The following DOK6 variants were observed in gnomAD, a reference collection of about 807,000 sequenced individuals.
DOK6 encodes downstream of tyrosine kinase 6.
A neutral mutation model predicts 44.0 loss-of-function variants in DOK6; 22 were observed. The ratio of observed to expected loss-of-function variants is 0.50; its 90% CI spans 0.36 to 0.71. The LOEUF is 0.71. Among genes scored for constraint, DOK6 ranks in the 30% least tolerant of loss-of-function variants. DOK6 has a pLI of 0.00. For synonymous variants in DOK6, 166 were observed against 145.5 expected, an observed-to-expected ratio of 1.14 and a Z score of -1.01; for missense variants, 340 against 416.4, an observed-to-expected ratio of 0.82 and a Z score of 1.60.
intron 3 of DOK6, among the ~76,000 whole-genome samples, chr18:69,623,190 T>C (rs8091578): frequency 0.73 from 110,250 of 152,042 alleles, 41,983 homozygotes; most frequent in Non-Finnish European, 0.85. Flanking sequence ...TCCCCTTCAC[T>C]TTCTGTCATT....
chr18:69,681,555 C>A (rs990286665), intron 4 of DOK6, among the ~76,000 whole-genome samples: 2 of 151,376 alleles, frequency 1.3e-5, no homozygotes, highest in African/African-American at 4.9e-5. Flanking sequence ...CATAAACAGA[C>A]ACACACACAC....
intron 6 of DOK6, among the ~76,000 whole-genome samples, chr18:69,754,763 AT>A: frequency 6.6e-6 from 1 of 152,132 alleles, no homozygotes; most frequent in Non-Finnish European, 1.5e-5. Flanking sequence ...CACAAGTCCT[AT>A]TTGATTAGGG....
intron 1 of DOK6, among the ~76,000 whole-genome samples, chr18:69,432,482 A>G (rs1438688108): frequency 6.6e-6 from 1 of 152,172 alleles, no homozygotes; most frequent in Non-Finnish European, 1.5e-5. Context: ...AATTATTTTG[A>G]AATGTGTAAA....
intron 7 of DOK6, among the ~76,000 whole-genome samples, chr18:69,827,024 C>T: frequency 6.6e-6 from 1 of 152,070 alleles, no homozygotes; most frequent in East Asian, 1.9e-4. Flanking sequence ...ACTAGTCTTG[C>T]ATAAAAACAA....
chr18:69,692,641 T>C (rs1986293157), intron 4 of DOK6, among the ~76,000 whole-genome samples: 1 of 152,226 alleles, frequency 6.6e-6, no homozygotes, highest in African/African-American at 2.4e-5. Context: ...AACAATGAAG[T>C]GAAATTCTCC....
At chr18:69,792,537 A>G (rs1443682129) in intron 7 of DOK6, among the ~76,000 whole-genome samples, 1 of 152,078 alleles carries the variant, frequency 6.6e-6, no homozygotes, top group East Asian at 1.9e-4. Context: ...TTGATTTTGT[A>G]TCCTGCAACT....
At chr18:69,446,754 T>G (rs1322188797) in intron 1 of DOK6, among the ~76,000 whole-genome samples, 5 of 152,214 alleles carry the variant, frequency 3.3e-5, no homozygotes, top group Non-Finnish European at 5.9e-5. Context: ...CCATTCTAAC[T>G]GGTTTGAGAT....
At position 69,497,663 on chromosome 18, in the gene DOK6, G is replaced by A. The variant is rs143294647; in HGVS notation, c.67-66824G>A. On this transcript the variant is annotated intron_variant, in intron 1 of 7. Coordinates refer to ENST00000382713, the MANE Select transcript of DOK6 (RefSeq NM_152721.6). ...ATTGGAAATAGAAGATACTAAATACGTATTTGTTGAATTGCAAAATCAATG... is the reference window on the plus strand; with the variant it reads ...ATTGGAAATAGAAGATACTAAATACATATTTGTTGAATTGCAAAATCAATG... 5.7e-3 allele frequency among the ~76,000 whole-genome samples: 863 copies of A among 152,218 alleles called. 2 individuals carry two copies. Among genetic ancestry groups the A allele is most frequent in the South Asian group, 0.013 (62 of 4,822 alleles).
At chr18:69,547,248 G>A (rs1982432896) in intron 1 of DOK6, among the ~76,000 whole-genome samples, 1 of 151,042 alleles carries the variant, frequency 6.6e-6, no homozygotes, top group Non-Finnish European at 1.5e-5. Flanking sequence ...TTACAGACGC[G>A]CACCACCACG....
At chr18:69,656,544 G>A (rs1001256330) in intron 3 of DOK6, among the ~76,000 whole-genome samples, 2 of 152,040 alleles carry the variant, frequency 1.3e-5, no homozygotes, top group African/African-American at 2.4e-5. Context: ...GTTTGTCACC[G>A]GCACATAGTA....
intron 5 of DOK6, among the ~76,000 whole-genome samples, chr18:69,700,132 G>A (rs1169487322): frequency 2.0e-5 from 3 of 151,080 alleles, no homozygotes; most frequent in South Asian, 2.1e-4. Flanking sequence ...CCAACAACAC[G>A]TGGGAATTTT....
chr18:69,569,086 A>G (rs1983055148), intron 2 of DOK6, among the ~76,000 whole-genome samples: 1 of 152,066 alleles, frequency 6.6e-6, no homozygotes, highest in Non-Finnish European at 1.5e-5. Context: ...ATTGTCTTCC[A>G]TGAAACCTGT....
chr18:69,435,029 A>AGGAAGGAAGGACGGACGGAC (rs1298054822), intron 1 of DOK6, among the ~76,000 whole-genome samples: 2 of 44,068 alleles, frequency 4.5e-5, no homozygotes, highest in African/African-American at 1.6e-4. Flanking sequence ...GAGGGAGGGA[A>AGGAAGGAAGGACGGACGGAC]GGAAGGAAGG....
chr18:69,650,438 T>C (rs1985194550), intron 3 of DOK6, among the ~76,000 whole-genome samples: 2 of 152,150 alleles, frequency 1.3e-5, no homozygotes, highest in South Asian at 4.1e-4. Context: ...ATATGAGCCA[T>C]GTCAGACCCG....
At position 69,644,985 on chromosome 18, in the gene DOK6, G is replaced by C. The variant is rs144628112; in HGVS notation, c.290-32749G>C. On this transcript the variant is annotated intron_variant, in intron 3 of 7. Coordinates refer to ENST00000382713, the MANE Select transcript of DOK6 (RefSeq NM_152721.6). Reference sequence around the variant, plus strand: ...AACTTTTTATTTAGAAATAATTACAGATTCATAGGGAAATTTCAAACATGG... The same window carrying C: ...AACTTTTTATTTAGAAATAATTACACATTCATAGGGAAATTTCAAACATGG... 5.6e-3 allele frequency among the ~76,000 whole-genome samples: 854 copies of C among 152,292 alleles called. 7 individuals carry two copies. The highest frequency in any genetic ancestry group is 0.019 in the African/African-American group (788 of 41,562).
chr18:69,689,350 A>G (rs1031685308), intron 4 of DOK6, among the ~76,000 whole-genome samples: 1 of 152,246 alleles, frequency 6.6e-6, no homozygotes, highest in Non-Finnish European at 1.5e-5. Flanking sequence ...AGAATGAAGG[A>G]CTTATTACAA....
intron 1 of DOK6, among the ~76,000 whole-genome samples, chr18:69,436,186 TA>T (rs1403601412): frequency 1.5e-4 from 22 of 148,840 alleles, no homozygotes; most frequent in South Asian, 4.3e-4. Flanking sequence ...TTTTTTTTTT[TA>T]CTTTAAATTC....
At chr18:69,759,989 T>C (rs1346110651) in intron 7 of DOK6, among the ~76,000 whole-genome samples, 1 of 152,236 alleles carries the variant, frequency 6.6e-6, no homozygotes, top group Non-Finnish European at 1.5e-5. Flanking sequence ...GCAATACGTT[T>C]TACCACCCTG....
chr18:69,681,855 T>C (rs1367778085), intron 4 of DOK6, among the ~76,000 whole-genome samples: 3 of 152,364 alleles, frequency 2.0e-5, no homozygotes, highest in Admixed American at 2.0e-4. Flanking sequence ...AGGAAATTCC[T>C]GCAAATGCAG....
Sources: gnomAD v4.1 joint callset for allele counts (sites outside exome capture counted in the v4.1 genomes callset) on GRCh38, gnomAD v4.1.1 for gene constraint, MANE v1.5 for transcripts, NCBI Gene and HGNC (gene_info 2026-07-23, HGNC 2026-07-21) for gene names.